Variants in MSRA observed in about 807,000 individuals in gnomAD.
The protein encoded by MSRA is mitochondrial peptide methionine sulfoxide reductase.
Under a neutral mutation model 31.3 loss-of-function variants are expected in MSRA, and 54 were observed. The ratio of observed to expected loss-of-function variants is 1.73; its 90% CI spans 1.39 to 2.17. The LOEUF is 2.17. MSRA is among the 30% of genes most tolerant of loss of function. The pLI is 0.00. For missense variants in MSRA, 507 were observed against 300.9 expected (o/e 1.69, Z -5.07); for synonymous variants, 169 against 116.5 (o/e 1.45, Z -2.90).
chr8:10,103,926 T>G (rs1361882586), intron 1 of MSRA, among the ~76,000 whole-genome samples: 1 of 152,170 alleles, frequency 6.6e-6, no homozygotes, highest in Non-Finnish European at 1.5e-5. Flanking sequence ...TTCATGCACA[T>G]TTTTCTGGAA....
At chr8:10,370,800 C>T (rs1805432241) in intron 5 of MSRA, among the ~76,000 whole-genome samples, 1 of 152,234 alleles carries the variant, frequency 6.6e-6, no homozygotes, top group African/African-American at 2.4e-5. Flanking sequence ...TGTGGGTCGG[C>T]TCCTGGCTGG....
At chr8:10,218,070 G>A (rs1441459408) in intron 2 of MSRA, among the ~76,000 whole-genome samples, 2 of 151,648 alleles carry the variant, frequency 1.3e-5, no homozygotes, top group Admixed American at 1.3e-4. Context: ...TCTGTAAGTG[G>A]TGGTGTGTTT....
At chr8:10,427,162 T>C (rs1809227245) in intron 5 of MSRA, among the ~76,000 whole-genome samples, 1 of 152,144 alleles carries the variant, frequency 6.6e-6, no homozygotes, top group Non-Finnish European at 1.5e-5. Context: ...CGTGAAAACA[T>C]GGGTCCTGGC....
Position 10,079,044 on chromosome 8 carries a change from C to A in MSRA, c.142+24386C>A, listed in dbSNP as rs545679413. Among the ~76,000 whole-genome samples the A allele has an allele frequency of 2.1e-4, 32 of 152,366 alleles. 1 individual carries two copies. The highest frequency in any genetic ancestry group is 6.3e-4 in the African/African-American group (26 of 41,580). On this transcript the variant is annotated intron_variant, in intron 1 of 5. Coordinates refer to ENST00000317173, the MANE Select transcript of MSRA (RefSeq NM_012331.5). ...TTCACCGCTGTGTGCTGGCAGGATC[C>A]TACCTGGAGGTTCTGGGGACTGCTT... is the stretch of plus-strand genomic sequence containing the variant.
At chr8:10,227,253 C>T (rs1377427164) in intron 2 of MSRA, among the ~76,000 whole-genome samples, 2 of 152,058 alleles carry the variant, frequency 1.3e-5, no homozygotes, top group East Asian at 1.9e-4. Flanking sequence ...GGCAGGTTGT[C>T]ATAAGGAAGA....
intron 1 of MSRA, among the ~76,000 whole-genome samples, chr8:10,160,245 A>C (rs1394070357): frequency 6.6e-6 from 1 of 152,132 alleles, no homozygotes; most frequent in African/African-American, 2.4e-5. Context: ...ACACCTGCTC[A>C]GCACTTTGGG....
chr8:10,059,202 G>A (rs1253046976), intron 1 of MSRA: 4 of 152,222 alleles, frequency 2.6e-5, no homozygotes, highest in Admixed American at 2.0e-4. Context: ...TACACCGTAA[G>A]CCAGGATAAA....
chr8:10,109,913 C>G (rs1488389148), intron 1 of MSRA, among the ~76,000 whole-genome samples: 1 of 152,196 alleles, frequency 6.6e-6, no homozygotes, highest in Admixed American at 6.5e-5. Context: ...CACCGCTAGT[C>G]TGTGAAAGAT....
rs564784563 is a variant in MSRA at position 10,287,674 on chromosome 8, T to C, written c.332-13860T>C. 2.8e-3 allele frequency among the ~76,000 whole-genome samples: 423 copies of C among 152,248 alleles called. 3 individuals carry two copies. The highest frequency in any genetic ancestry group is 9.5e-3 in the African/African-American group (395 of 41,546). ...CTCAGGGCTTTGTTTCCCTCATAAG[T>C]TAAAATAACGACAGGCAAAGGCACG... is the stretch of plus-strand genomic sequence containing the variant. On this transcript the variant is annotated intron_variant, in intron 3 of 5. Coordinates refer to ENST00000317173, the MANE Select transcript of MSRA (RefSeq NM_012331.5).
intron 4 of MSRA, among the ~76,000 whole-genome samples, chr8:10,308,085 G>C (rs548967206): frequency 1.3e-5 from 2 of 152,294 alleles, no homozygotes; most frequent in African/African-American, 4.8e-5. Context: ...CCCTTGTGCT[G>C]CTAGAGCTGT....
intron 5 of MSRA, chr8:10,326,485 C>A (rs534900237): frequency 1.7e-4 from 26 of 152,256 alleles, no homozygotes; most frequent in African/African-American, 6.3e-4. Flanking sequence ...GCAGGAAAGA[C>A]TTAAGGAGGA....
chr8:10,170,778 G>T (rs1196842706), intron 1 of MSRA, among the ~76,000 whole-genome samples: 1 of 152,182 alleles, frequency 6.6e-6, no homozygotes, highest in East Asian at 1.9e-4. Flanking sequence ...GGAACTGAGG[G>T]ACAACTATAC....
At chr8:10,134,951 C>T (rs1433022296) in intron 1 of MSRA, among the ~76,000 whole-genome samples, 1 of 152,172 alleles carries the variant, frequency 6.6e-6, no homozygotes, top group Non-Finnish European at 1.5e-5. Flanking sequence ...AAAGCTAGAG[C>T]TGTTGCTAAG....
intron 3 of MSRA, among the ~76,000 whole-genome samples, chr8:10,254,692 C>T (rs550228737): frequency 9.8e-5 from 15 of 152,314 alleles, no homozygotes; most frequent in African/African-American, 3.6e-4. Flanking sequence ...ACAATCTCCG[C>T]TGGTGGGATT....
chr8:10,299,933 G>T (rs954008888), intron 3 of MSRA, among the ~76,000 whole-genome samples: 12 of 152,284 alleles, frequency 7.9e-5, no homozygotes, highest in Non-Finnish European at 1.5e-4. Context: ...TACATTTATG[G>T]ATAAAAATAT....
chr8:10,199,297 G>C (rs1385084687), intron 1 of MSRA, among the ~76,000 whole-genome samples: 1 of 152,060 alleles, frequency 6.6e-6, no homozygotes, highest in Non-Finnish European at 1.5e-5. Context: ...AGGCCGGTAG[G>C]CTCACTCTAG....
intron 2 of MSRA, among the ~76,000 whole-genome samples, chr8:10,239,765 G>A (rs992173815): frequency 4.6e-5 from 7 of 152,176 alleles, no homozygotes; most frequent in African/African-American, 1.7e-4. Flanking sequence ...TCTCCCAATG[G>A]GTCCCTGAGA....
At chr8:10,184,165 G>C (rs975477714) in intron 1 of MSRA, among the ~76,000 whole-genome samples, 1 of 151,850 alleles carries the variant, frequency 6.6e-6, no homozygotes, top group Non-Finnish European at 1.5e-5. Flanking sequence ...CTTGATAGTG[G>C]TGTTATTGTT....
At chr8:10,284,125 T>C (rs1033818963) in intron 3 of MSRA, among the ~76,000 whole-genome samples, 1 of 152,096 alleles carries the variant, frequency 6.6e-6, no homozygotes, top group African/African-American at 2.4e-5. Context: ...CCACTGCTTT[T>C]CTGCTTTTCT....
Sources: allele counts gnomAD v4.1 joint callset (sites outside exome capture counted in the v4.1 genomes callset), GRCh38; gene constraint gnomAD v4.1.1; transcripts MANE v1.5; gene names NCBI Gene and HGNC (gene_info 2026-07-23, HGNC 2026-07-21).